Variants in BRAF observed in about 807,000 individuals in gnomAD.
BRAF encodes B-Raf proto-oncogene, serine/threonine kinase, also known as serine/threonine-protein kinase B-raf.
BRAF carries 16 observed loss-of-function variants against 104.6 expected under a neutral mutation model. The observed-to-expected ratio is 0.15, with a 90% CI of 0.10 to 0.23. The LOEUF (loss-of-function observed/expected upper bound fraction) is 0.23. BRAF is among the 10% of genes least tolerant of loss of function. The probability of loss-of-function intolerance (pLI) is 1.00; values close to 1 mark genes in which losing one functional copy is unlikely to be tolerated. For missense variants in BRAF, 541 were observed against 937.3 expected, an observed-to-expected ratio of 0.58 and a Z score of 5.52; for synonymous variants, 310 against 341.6, an observed-to-expected ratio of 0.91 and a Z score of 1.02.
chr7:140,776,800 T>C, intron 14 of BRAF, 112 bp downstream of exon 13: 1 of 1,057,648 alleles, frequency 9.5e-7, no homozygotes, highest in Non-Finnish European at 1.5e-6. Context: ...CATCCTTATG[T>C]TCCTGGACAG....
chr7:140,877,035 G>GAGTCAA (rs1198052222), intron 1 of BRAF, among the ~76,000 whole-genome samples: 2 of 151,994 alleles, frequency 1.3e-5, no homozygotes, highest in Non-Finnish European at 2.9e-5. Flanking sequence ...AATAATCTTT[G>GAGTCAA]AGTCAAATGG....
intron 19 of BRAF, among the ~76,000 whole-genome samples, chr7:140,728,405 AG>A (rs755869722): frequency 7.2e-4 from 110 of 152,348 alleles, no homozygotes; most frequent in Non-Finnish European, 1.3e-3. Flanking sequence ...AATGAACTGC[AG>A]ATAGTCTATT....
intron 3 of BRAF, among the ~76,000 whole-genome samples, chr7:140,832,559 GT>G (rs1806883147): frequency 6.6e-6 from 1 of 152,156 alleles, no homozygotes; most frequent in Non-Finnish European, 1.5e-5. Context: ...TCTTGAAAGA[GT>G]TTAATACCAC....
At chr7:140,787,273 C>A (rs894142118) in intron 9 of BRAF, among the ~76,000 whole-genome samples, 1 of 145,312 alleles carries the variant, frequency 6.9e-6, no homozygotes, top group African/African-American at 2.6e-5. Flanking sequence ...TGCACTCCAA[C>A]CTGGGCGACA....
chr7:140,721,665 T>C lies in BRAF; in HGVS notation c.*4829A>G, dbSNP rs1404346008. 1.3e-6 allele frequency: 2 copies of C among 1,534,986 alleles called. No homozygotes were observed. Among genetic ancestry groups the C allele is most frequent in the Non-Finnish European group, 1.7e-6 (2 of 1,146,344 alleles). Reference sequence around the variant, plus strand: ...CCCTCTTCTGGGGCTCAACTACCGATGGGCATCAGTAATCCATCCCAGTAT... The same window carrying C: ...CCCTCTTCTGGGGCTCAACTACCGACGGGCATCAGTAATCCATCCCAGTAT... On this transcript the variant is annotated 3_prime_UTR_variant, in exon 20 of 20. Coordinates refer to ENST00000644969, the MANE Select transcript of BRAF (RefSeq NM_001374258.1).
intron 1 of BRAF, among the ~76,000 whole-genome samples, chr7:140,851,757 A>C (rs1809184444): frequency 6.6e-6 from 1 of 152,222 alleles, no homozygotes; most frequent in Non-Finnish European, 1.5e-5. Context: ...TCACACTTCT[A>C]AACTTTTGCC....
intron 5 of BRAF, among the ~76,000 whole-genome samples, chr7:140,802,879 A>G (rs1803276362): frequency 6.6e-6 from 1 of 152,234 alleles, no homozygotes; most frequent in Non-Finnish European, 1.5e-5. Flanking sequence ...AGTAACAAAT[A>G]GTAATGTCCT....
chr7:140,714,697 C>G (rs552819031), downstream of BRAF, among the ~76,000 whole-genome samples: 17 of 152,078 alleles, frequency 1.1e-4, no homozygotes, highest in South Asian at 2.1e-3. Context: ...ATCACTCAGG[C>G]GTTGAGAATC....
intron 1 of BRAF, among the ~76,000 whole-genome samples, chr7:140,884,896 A>G (rs1813381360): frequency 1.3e-5 from 2 of 152,230 alleles, no homozygotes; most frequent in Non-Finnish European, 2.9e-5. Context: ...AACAAAAGTG[A>G]TCTATTTTTT....
At chr7:140,877,052 C>G (rs1055532164) in intron 1 of BRAF, among the ~76,000 whole-genome samples, 1 of 151,982 alleles carries the variant, frequency 6.6e-6, no homozygotes, top group Non-Finnish European at 1.5e-5. Context: ...ATGGAAGCCC[C>G]AAATTACATA....
At chr7:140,867,275 A>G (rs766289903) in intron 1 of BRAF, among the ~76,000 whole-genome samples, 35 of 152,204 alleles carry the variant, frequency 2.3e-4, no homozygotes, top group Non-Finnish European at 7.3e-5. Context: ...CTATGTCTCT[A>G]TAAGAAGTAG....
intron 1 of BRAF, among the ~76,000 whole-genome samples, chr7:140,887,562 CA>C (rs1813717453): frequency 6.6e-6 from 1 of 152,078 alleles, no homozygotes; most frequent in Non-Finnish European, 1.5e-5. Context: ...ACAAATTGAA[CA>C]ATAAGTTACA....
chr7:140,737,507 A>G (rs1796537449), intron 18 of BRAF, among the ~76,000 whole-genome samples: 1 of 152,116 alleles, frequency 6.6e-6, no homozygotes, highest in Admixed American at 6.5e-5. Flanking sequence ...CCCATTTTCT[A>G]TTGTTTGTTA....
chr7:140,721,295 A>ATT lies in BRAF; in HGVS notation c.*5197_*5198dup, dbSNP rs60187661. On this transcript the variant is annotated 3_prime_UTR_variant, in exon 20 of 20. Coordinates refer to ENST00000644969, the MANE Select transcript of BRAF (RefSeq NM_001374258.1). ...GAGTTGCCGACTAATTGCCCCATGCATTTTTTTTTTTTAAAGCACTGTTAC... is the reference window on the plus strand; with the variant it reads ...GAGTTGCCGACTAATTGCCCCATGCATTTTTTTTTTTTTTAAAGCACTGTTAC... 2.8e-5 allele frequency: 26 copies of ATT among 913,904 alleles called. No homozygotes were observed. In the East Asian group the frequency reaches 6.2e-4, roughly 22 times the overall value. 56.6% of individuals were successfully genotyped at this position (913,904 alleles called of 1,614,324 possible).
chr7:140,804,977 A>AT lies in BRAF; in HGVS notation c.711+2982dup, dbSNP rs572698963. 7.9e-5 allele frequency among the ~76,000 whole-genome samples: 12 copies of AT among 151,582 alleles called. No homozygotes were observed. The East Asian group carries it at 2.2e-3, about 27-fold the overall frequency. On this transcript the variant is annotated intron_variant, in intron 5 of 19. Transcript: ENST00000644969. ...ACCACCATGCCCACCTACTTTTTGT[A>AT]TTTTTTTGGAGAGATGAGGTTTTGT...
chr7:140,871,204 T>A (rs1384838070), intron 1 of BRAF, among the ~76,000 whole-genome samples: 3 of 123,316 alleles, frequency 2.4e-5, no homozygotes, highest in Admixed American at 2.0e-4. Flanking sequence ...ATCGCGCCAC[T>A]ACTCCAGCCT....
chr7:140,724,311 G>A lies in BRAF; in HGVS notation c.*2183C>T, dbSNP rs1011707896. ...TTCAAGCCCAGGTCTCTCTACCTGC[G>A]GAAACTTGAAGCCAATCTTGGTAAA... On this transcript the variant is annotated 3_prime_UTR_variant, in exon 20 of 20. Coordinates refer to ENST00000644969, the MANE Select transcript of BRAF (RefSeq NM_001374258.1). 10 of 1,056,200 alleles carry A rather than the reference G, an allele frequency of 9.5e-6. No individual in the cohort carries two copies. The highest frequency in any genetic ancestry group is 3.3e-5 in the African/African-American group (2 of 60,468). The allele number at this position is 1,056,200 out of a possible 1,614,324, so 65.4% of individuals were successfully genotyped here.
Position 140,759,884 on chromosome 7 carries a change from G to A in BRAF, c.1815-5651C>T, listed in dbSNP as rs10271621. Among the ~76,000 whole-genome samples the A allele has an allele frequency of 2.0e-5, 3 of 152,148 alleles. No homozygotes were observed. The East Asian group carries it at 5.8e-4, about 29-fold the overall frequency. ...CAGTCTTTGATTCAGGTCTGGGGTGGTATCTAAAACTTAGCATTTCTAAAA... is the reference window on the plus strand; with the variant it reads ...CAGTCTTTGATTCAGGTCTGGGGTGATATCTAAAACTTAGCATTTCTAAAA... On this transcript the variant is annotated intron_variant, in intron 14 of 19. Transcript: ENST00000644969.
chr7:140,794,319 C>G lies in BRAF; in HGVS notation c.1129G>C (p.Val377Leu). 6.2e-7 allele frequency: 1 copy of G among 1,613,852 alleles called. No individual in the cohort carries two copies. The change falls in exon 8 of 20, where the codon GTC (valine) becomes CTC (leucine). Residue 377 changes from valine (V) to leucine (L), a missense_variant. By Grantham distance (32) the Val-to-Leu change is conservative. This residue lies in a region of BRAF where 109 missense variants were observed against 143.9 expected (regional missense o/e 0.76). Coordinates refer to ENST00000644969, the MANE Select transcript of BRAF (RefSeq NM_001374258.1). ...PNVHINTIEP[V>L]NIDDLIRDQG... ...TGCTGGATACTTACATCAATATTGA[C>G]AGGTTCTATTGTGTTTATATGCACA...
Sources: gnomAD v4.1 joint callset for allele counts (sites outside exome capture counted in the v4.1 genomes callset) on GRCh38, gnomAD v4.1.1 for gene constraint, gnomAD v4.1.1 regional missense constraint, MANE v1.5 for transcripts, NCBI Gene and HGNC (gene_info 2026-07-23, HGNC 2026-07-21) for gene names.